The following ITGB5 variants were observed in gnomAD, a reference collection of about 807,000 sequenced individuals.
ITGB5 encodes the protein integrin subunit beta 5.
In ITGB5, 38 loss-of-function variants were observed where a neutral mutation model predicts 84.8. The observed-to-expected ratio is 0.45, with a 90% CI of 0.35 to 0.59. The LOEUF is 0.59. ITGB5 is among the 20% of genes least tolerant of loss of function. ITGB5 has a pLI of 0.01. For synonymous variants in ITGB5, 393 were observed against 414.4 expected (o/e 0.95, Z 0.63); for missense variants, 905 against 1,034.5 (o/e 0.87, Z 1.72).
At chr3:124,808,154 C>T (rs1337871353) in intron 9 of ITGB5, among the ~76,000 whole-genome samples, 1 of 152,012 alleles carries the variant, frequency 6.6e-6, no homozygotes, top group African/African-American at 2.4e-5. Flanking sequence ...CAGCTTATAT[C>T]CGCCTTGGCC....
intron 5 of ITGB5, among the ~76,000 whole-genome samples, chr3:124,823,502 T>C (rs1024749840): frequency 2.0e-4 from 30 of 151,704 alleles, no homozygotes; most frequent in African/African-American, 7.2e-4. Context: ...TACTTATGGG[T>C]AGGAGTTGGA....
chr3:124,803,466 G>A (rs2064346956), intron 9 of ITGB5, among the ~76,000 whole-genome samples: 1 of 152,190 alleles, frequency 6.6e-6, no homozygotes, highest in African/African-American at 2.4e-5. Flanking sequence ...ACCACAGTAA[G>A]GGGCACGTTG....
rs192608288 is a variant in ITGB5, at chr3:124,825,255, C to T, written c.781-3781G>A. Among the ~76,000 whole-genome samples, 71 of 148,962 alleles carry T rather than the reference C, an allele frequency of 4.8e-4. No homozygotes were observed. The East Asian group carries it at 0.013, about 27-fold the overall frequency. Reference sequence around the variant, plus strand: ...ACTCTCATAATTGCCTAAGAGAATACAAAATGTTTCACCAACTCTGGAAAA... The same window carrying T: ...ACTCTCATAATTGCCTAAGAGAATATAAAATGTTTCACCAACTCTGGAAAA... On this transcript the variant is annotated intron_variant, in intron 5 of 14. Coordinates refer to ENST00000296181, the MANE Select transcript of ITGB5 (RefSeq NM_002213.5).
intron 3 of ITGB5, among the ~76,000 whole-genome samples, chr3:124,855,110 C>G (rs186611462): frequency 3.3e-5 from 5 of 152,196 alleles, no homozygotes; most frequent in Admixed American, 3.3e-4. Flanking sequence ...CCCAGGAGTT[C>G]GAGACCAGCT....
intron 5 of ITGB5, among the ~76,000 whole-genome samples, chr3:124,831,486 C>T (rs765263716): frequency 5.3e-5 from 8 of 152,118 alleles, no homozygotes; most frequent in African/African-American, 1.2e-4. Context: ...AAGGACGCCC[C>T]GTGGGAAGGT....
At chr3:124,810,855 G>A (rs2064488809) in intron 8 of ITGB5, among the ~76,000 whole-genome samples, 1 of 149,404 alleles carries the variant, frequency 6.7e-6, no homozygotes. Context: ...ACACTCTAGG[G>A]AGTGTGGCTG....
At chr3:124,807,771 C>T (rs2064429468) in intron 9 of ITGB5, among the ~76,000 whole-genome samples, 1 of 151,346 alleles carries the variant, frequency 6.6e-6, no homozygotes, top group South Asian at 2.1e-4. Context: ...TGGTGAAACC[C>T]CGTCTCTACT....
chr3:124,841,423 T>C lies in ITGB5; in HGVS notation c.740A>G (p.Glu247Gly). 6.2e-7 allele frequency: 1 copy of C among 1,614,178 alleles called. No individual in the cohort carries two copies. The highest frequency in any genetic ancestry group is 8.5e-7 in the Non-Finnish European group (1 of 1,180,018). ...QRVSRNRDAP[E>G]GGFDAVLQAA... ...CTGGAGTACTGCATCAAAGCCCCCC[T>C]CAGGGGCATCTCGGTTCCGGGACAC... The change falls in exon 5 of 15, where the codon GAG (glutamate) becomes GGG (glycine). Residue 247 changes from glutamate (E) to glycine (G), a missense_variant. Around this residue, in one of 3 missense-constraint regions of ITGB5, gnomAD observed 656 missense variants for 734.7 expected, o/e 0.89. Transcript: ENST00000296181.
At chr3:124,861,696 G>A (rs2065306001) in intron 2 of ITGB5, among the ~76,000 whole-genome samples, 1 of 151,732 alleles carries the variant, frequency 6.6e-6, no homozygotes, top group Non-Finnish European at 1.5e-5. Flanking sequence ...CGAGTAGCTG[G>A]GATTACAGCC....
At chr3:124,826,867 G>A (rs1294271914) in intron 5 of ITGB5, among the ~76,000 whole-genome samples, 2 of 152,210 alleles carry the variant, frequency 1.3e-5, no homozygotes, top group East Asian at 3.8e-4. Context: ...TATGTAAATG[G>A]TGTTAACAAA....
rs542889150 is a variant in ITGB5, at chr3:124,855,388, C to T, written c.361+3854G>A. On this transcript the variant is annotated intron_variant, in intron 3 of 14. Transcript: ENST00000296181. ...CTCCCTAGAGTCAGGGGGGAGATAC[C>T]CTGAGGCAAATATGCATTTTGCATG... 2.0e-5 allele frequency among the ~76,000 whole-genome samples: 3 copies of T among 152,206 alleles called. 1 individual carries two copies. The South Asian group carries it at 6.2e-4, about 32-fold the overall frequency.
chr3:124,895,439 G>C (rs914742101), intron 1 of ITGB5, among the ~76,000 whole-genome samples: 1 of 152,116 alleles, frequency 6.6e-6, no homozygotes, highest in Non-Finnish European at 1.5e-5. Flanking sequence ...TGCTCATGCT[G>C]GTCTTGAACT....
At chr3:124,848,240 AG>A in intron 4 of ITGB5, 68 bp downstream of exon 4, 1 of 1,566,158 alleles carries the variant, frequency 6.4e-7, no homozygotes, top group Non-Finnish European at 8.7e-7. Flanking sequence ...TCTTTCTTTG[AG>A]CTAAATTTTC....
upstream of ITGB5, among the ~76,000 whole-genome samples, chr3:124,891,181 A>C (rs1157196801): frequency 6.6e-6 from 1 of 152,212 alleles, no homozygotes; most frequent in Non-Finnish European, 1.5e-5. Context: ...AATTAAATAT[A>C]GACTTACCAT....
At chr3:124,772,027 C>T (rs2063852931) in intron 11 of ITGB5, among the ~76,000 whole-genome samples, 1 of 152,034 alleles carries the variant, frequency 6.6e-6, no homozygotes, top group Admixed American at 6.5e-5. Flanking sequence ...CCTAGTGTGC[C>T]CCAAGGACTA....
chr3:124,849,328 G>T (rs537473610), intron 3 of ITGB5, among the ~76,000 whole-genome samples: 1 of 152,252 alleles, frequency 6.6e-6, no homozygotes, highest in Non-Finnish European at 1.5e-5. Flanking sequence ...GGCCTGAGTG[G>T]GGAAGAACCA....
chr3:124,848,505 C>A lies in ITGB5; in HGVS notation c.415G>T (p.Asp139Tyr). The change falls in exon 4 of 15, where the codon GAC (aspartate) becomes TAC (tyrosine). Residue 139 changes from aspartate (D) to tyrosine (Y), a missense_variant. Around this residue, in one of 3 missense-constraint regions of ITGB5, gnomAD observed 656 missense variants for 734.7 expected, o/e 0.89. Transcript: ENST00000296181. ...QVRQVEDYPV[D>Y]LYYLMDLSLS... is the part of the protein sequence containing the mutation. ...GAGAGGTCCATCAGGTAGTACAGGT[C>A]CACAGGATAGTCCTCCACCTGGCGA... The A allele has an allele frequency of 2.5e-6, 4 of 1,614,082 alleles. No individual in the cohort carries two copies. Among genetic ancestry groups the A allele is most frequent in the Non-Finnish European group, 2.5e-6 (3 of 1,180,012 alleles).
intron 14 of ITGB5, 134 bp downstream of exon 14, chr3:124,764,257 C>T (rs1299641557): frequency 3.3e-6 from 3 of 903,964 alleles, no homozygotes; most frequent in East Asian, 5.3e-5. Flanking sequence ...GAACTGGGCA[C>T]AGCGTTTCTG....
At chr3:124,818,064 C>A (rs1000252390) in intron 7 of ITGB5, among the ~76,000 whole-genome samples, 1 of 152,126 alleles carries the variant, frequency 6.6e-6, no homozygotes, top group African/African-American at 2.4e-5. Context: ...CTTGCCATTT[C>A]TCCCCCGGTC....
Sources: allele counts gnomAD v4.1 joint callset (sites outside exome capture counted in the v4.1 genomes callset), GRCh38; gene constraint gnomAD v4.1.1; regional missense constraint gnomAD v4.1.1; transcripts MANE v1.5; gene names NCBI Gene and HGNC (gene_info 2026-07-23, HGNC 2026-07-21).